The following PEX5L variants were observed in gnomAD, a reference collection of about 807,000 sequenced individuals.
The protein encoded by PEX5L is PEX5-related protein.
Under a neutral mutation model 84.0 loss-of-function variants are expected in PEX5L, and 30 were observed. The ratio of observed to expected loss-of-function variants is 0.36; its 90% CI spans 0.27 to 0.48. PEX5L has a LOEUF of 0.48. Among genes scored for constraint, PEX5L ranks in the 20% least tolerant of loss-of-function variants. The pLI is 0.99. For synonymous variants in PEX5L, 270 were observed against 283.1 expected, an observed-to-expected ratio of 0.95 and a Z score of 0.46; for missense variants, 533 against 754.6, an observed-to-expected ratio of 0.71 and a Z score of 3.44.
intron 4 of PEX5L, 49 bp downstream of exon 4, chr3:179,887,624 T>C (rs1431453676): frequency 1.1e-5 from 13 of 1,135,350 alleles, no homozygotes; most frequent in African/African-American, 3.1e-5. Flanking sequence ...CATTTTACTA[T>C]AGTTAAAATT....
chr3:180,009,532 T>C (rs141940853), intron 1 of PEX5L, among the ~76,000 whole-genome samples: 1 of 152,076 alleles, frequency 6.6e-6, no homozygotes, highest in Non-Finnish European at 1.5e-5. Context: ...AAGCAGAAGT[T>C]TGTAGGAACT....
Position 179,795,800 on chromosome 3 carries a change from T to C in PEX5L, c.*6028A>G, listed in dbSNP as rs757664229. 1 of 152,214 alleles carries C rather than the reference T, an allele frequency of 6.6e-6. No homozygotes were observed. The highest frequency in any genetic ancestry group is 1.5e-5 in the Non-Finnish European group (1 of 68,030). 9.4% of individuals were successfully genotyped at this position (152,214 alleles called of 1,614,324 possible). On this transcript the variant is annotated 3_prime_UTR_variant, in exon 15 of 15. Coordinates refer to ENST00000467460, the MANE Select transcript of PEX5L (RefSeq NM_016559.3). ...TAGAGATGCAATATTCATAGATATA[T>C]AAAATATGTAGAAATGTCTTTTCTA...
At chr3:179,904,887 T>C (rs1762616056) in intron 2 of PEX5L, among the ~76,000 whole-genome samples, 1 of 152,136 alleles carries the variant, frequency 6.6e-6, no homozygotes, top group Non-Finnish European at 1.5e-5. Flanking sequence ...GCTGTCCTGG[T>C]TGTCTCTGGG....
At chr3:180,006,270 C>T (rs916956210) in intron 1 of PEX5L, among the ~76,000 whole-genome samples, 10 of 152,048 alleles carry the variant, frequency 6.6e-5, no homozygotes, top group Non-Finnish European at 8.8e-5. Context: ...ATATTCCCTT[C>T]GCCACTTCCT....
chr3:179,926,981 A>G (rs1771652509), intron 2 of PEX5L, among the ~76,000 whole-genome samples: 1 of 152,192 alleles, frequency 6.6e-6, no homozygotes. Flanking sequence ...TTTTGAATAT[A>G]TATGTCCTTG....
chr3:179,999,352 C>T (rs181127046), intron 1 of PEX5L, among the ~76,000 whole-genome samples: 16 of 152,276 alleles, frequency 1.1e-4, no homozygotes, highest in Non-Finnish European at 1.0e-4. Flanking sequence ...GCCTCTTCCC[C>T]CAGCCACCCC....
At chr3:180,024,373 T>TATATATATATATATAA (rs1396023654) in intron 1 of PEX5L, among the ~76,000 whole-genome samples, 1 of 79,026 alleles carries the variant, frequency 1.3e-5, no homozygotes, top group Non-Finnish European at 2.3e-5. Flanking sequence ...TATATATATA[T>TATATATATATATATAA]ACACACACAA....
At chr3:179,898,287 C>T (rs139206549) in intron 2 of PEX5L, 41 bp from the exon 3 acceptor site, 2 of 1,330,424 alleles carry the variant, frequency 1.5e-6, no homozygotes, top group South Asian at 2.5e-5. Context: ...CAGGAGAGAT[C>T]TTTAACTTAT....
chr3:179,867,047 AAAAAAAAGAAAAG>A (rs1748567854), intron 7 of PEX5L, among the ~76,000 whole-genome samples: 1 of 151,468 alleles, frequency 6.6e-6, no homozygotes, highest in Non-Finnish European at 1.5e-5. Context: ...AAAAAGAAAA[AAAAAAAAGAAAAG>A]AAAATACACA....
At chr3:179,861,188 A>T (rs1745999276) in intron 7 of PEX5L, among the ~76,000 whole-genome samples, 1 of 152,240 alleles carries the variant, frequency 6.6e-6, no homozygotes, top group Non-Finnish European at 1.5e-5. Flanking sequence ...TAGGTGCTCC[A>T]TAAGTAGTCA....
At chr3:179,811,669 C>T (rs181329641) in intron 11 of PEX5L, 132 bp downstream of exon 11, 8 of 709,276 alleles carry the variant, frequency 1.1e-5, no homozygotes, top group Admixed American at 6.4e-5. Context: ...GAGTGATATG[C>T]GGTATCTCAG....
At chr3:179,981,521 G>A (rs2110332155) in intron 1 of PEX5L, among the ~76,000 whole-genome samples, 1 of 152,284 alleles carries the variant, frequency 6.6e-6, no homozygotes, top group Admixed American at 6.5e-5. Flanking sequence ...TGTGTATCAT[G>A]AGATTACTTT....
chr3:179,834,422 T>C (rs1734237742), intron 8 of PEX5L, among the ~76,000 whole-genome samples: 1 of 152,224 alleles, frequency 6.6e-6, no homozygotes, highest in Non-Finnish European at 1.5e-5. Context: ...AGAATGTGCT[T>C]GTGGTAAACA....
chr3:179,815,303 C>T (rs912794621), intron 10 of PEX5L, among the ~76,000 whole-genome samples: 4 of 152,124 alleles, frequency 2.6e-5, no homozygotes, highest in African/African-American at 7.2e-5. Flanking sequence ...TGAAATCTAC[C>T]GCTGGGCGCG....
chr3:179,845,196 C>T (rs1019988831), intron 8 of PEX5L, among the ~76,000 whole-genome samples: 6 of 152,108 alleles, frequency 3.9e-5, no homozygotes, highest in African/African-American at 1.4e-4. Context: ...TCCAATAATC[C>T]AATATATTCT....
At chr3:180,024,897 G>A (rs1790807023) in intron 1 of PEX5L, among the ~76,000 whole-genome samples, 1 of 152,168 alleles carries the variant, frequency 6.6e-6, no homozygotes. Context: ...ACCAGCTGAA[G>A]TGGTGAAGAG....
chr3:180,026,764 A>T (rs1790993085), intron 1 of PEX5L, among the ~76,000 whole-genome samples: 1 of 152,186 alleles, frequency 6.6e-6, no homozygotes, highest in South Asian at 2.1e-4. Context: ...TTATCTCTCA[A>T]GCCAGGCTGG....
chr3:179,902,361 T>C (rs1761679832), intron 2 of PEX5L, among the ~76,000 whole-genome samples: 1 of 152,196 alleles, frequency 6.6e-6, no homozygotes, highest in Non-Finnish European at 1.5e-5. Context: ...TAAATGTCCG[T>C]TGTTCATGAT....
chr3:179,810,102 C>T (rs544868965), intron 11 of PEX5L, among the ~76,000 whole-genome samples: 20 of 146,336 alleles, frequency 1.4e-4, no homozygotes, highest in African/African-American at 4.3e-4. Context: ...CAACCTCTGC[C>T]ACCTGGACTC....
Sources: allele counts gnomAD v4.1 joint callset (sites outside exome capture counted in the v4.1 genomes callset), GRCh38; gene constraint gnomAD v4.1.1; transcripts MANE v1.5; gene names NCBI Gene and HGNC (gene_info 2026-07-23, HGNC 2026-07-21).